Variants in GRM7 observed in about 807,000 individuals in gnomAD.
The protein encoded by GRM7 is metabotropic glutamate receptor 7.
Under a neutral mutation model 84.5 loss-of-function variants are expected in GRM7, and 35 were observed. That is an observed-to-expected ratio of 0.41 (90% CI 0.32 to 0.55). The LOEUF is 0.55. GRM7 is among the 20% of genes least tolerant of loss of function. The pLI, the probability that GRM7 is intolerant of heterozygous loss-of-function variation, is 0.19. For synonymous variants in GRM7, 487 were observed against 455.1 expected (o/e 1.07, Z -0.89); for missense variants, 1,003 against 1,194.6 (o/e 0.84, Z 2.36).
intron 1 of GRM7, among the ~76,000 whole-genome samples, chr3:6,945,006 T>C (rs1698012588): frequency 6.6e-6 from 1 of 152,144 alleles, no homozygotes; most frequent in Non-Finnish European, 1.5e-5. Flanking sequence ...CTGATACTGG[T>C]AATTTGTGAC....
chr3:7,026,919 C>T lies in GRM7; in HGVS notation c.520-119533C>T, dbSNP rs1327598652. 2.0e-5 allele frequency among the ~76,000 whole-genome samples: 3 copies of T among 152,232 alleles called. No homozygotes were observed. The East Asian group carries it at 5.8e-4, about 29-fold the overall frequency. On this transcript the variant is annotated intron_variant, in intron 1 of 9. Coordinates refer to ENST00000357716, the MANE Select transcript of GRM7 (RefSeq NM_000844.4). Reference sequence around the variant, plus strand: ...AGCTTGATTTACTTCTGTTCCATTACCAAATTTCTGGCGCTGGCCAATCAA... The same window carrying T: ...AGCTTGATTTACTTCTGTTCCATTATCAAATTTCTGGCGCTGGCCAATCAA...
intron 8 of GRM7, among the ~76,000 whole-genome samples, chr3:7,658,560 A>AGTCAATTTTTAGAGAGATAGCTGATG (rs1559469859): frequency 6.6e-6 from 1 of 152,246 alleles, no homozygotes; most frequent in Non-Finnish European, 1.5e-5. Context: ...ACTGACTCAC[A>AGTCAATTTTTAGAGAGATAGCTGATG]GTCAATTTTT....
At chr3:7,359,246 G>C in intron 4 of GRM7, among the ~76,000 whole-genome samples, 1 of 144,746 alleles carries the variant, frequency 6.9e-6, no homozygotes, top group East Asian at 1.9e-4. Context: ...GTGTGTGTGT[G>C]TGTGTGTGTT....
intron 2 of GRM7, among the ~76,000 whole-genome samples, chr3:7,164,720 A>C (rs1399804133): frequency 6.6e-6 from 1 of 152,264 alleles, no homozygotes; most frequent in African/African-American, 2.4e-5. Context: ...AGAGTGAAAT[A>C]GCTGAAAAGA....
At chr3:6,884,004 A>C (rs377626998) in intron 1 of GRM7, among the ~76,000 whole-genome samples, 54 of 152,316 alleles carry the variant, frequency 3.5e-4, no homozygotes, top group African/African-American at 1.2e-3. Flanking sequence ...CAAAAATGCC[A>C]ATATAAGTTA....
intron 5 of GRM7, among the ~76,000 whole-genome samples, chr3:7,450,967 A>C (rs979531314): frequency 6.6e-6 from 1 of 152,062 alleles, no homozygotes; most frequent in African/African-American, 2.4e-5. Flanking sequence ...AAGCAACCTA[A>C]AACATTTTAG....
In GRM7 at chr3:7,374,569, C is replaced by T. The variant is rs543405367; in HGVS notation, c.1034-40454C>T. Among the ~76,000 whole-genome samples, 106 of 151,912 alleles carry T rather than the reference C, an allele frequency of 7.0e-4. 1 individual carries two copies. The highest frequency in any genetic ancestry group is 2.2e-3 in the African/African-American group (93 of 41,442). On this transcript the variant is annotated intron_variant, in intron 4 of 9. Transcript: ENST00000357716. ...TCTCGGCTCACTGCAACCTCTGCCT[C>T]CAGGGTTCAAGCGATTCTTCTGCCT...
At chr3:7,577,647 G>T (rs1000403205) in intron 7 of GRM7, among the ~76,000 whole-genome samples, 2 of 152,156 alleles carry the variant, frequency 1.3e-5, no homozygotes, top group Non-Finnish European at 2.9e-5. Context: ...TTTCAATTAA[G>T]CAAATACATT....
chr3:7,075,941 T>C (rs1008591594), intron 1 of GRM7, among the ~76,000 whole-genome samples: 1 of 152,192 alleles, frequency 6.6e-6, no homozygotes, highest in African/African-American at 2.4e-5. Context: ...TTTTAATTTT[T>C]TTTTTTACTA....
intron 1 of GRM7, among the ~76,000 whole-genome samples, chr3:7,054,731 C>CT (rs1236416536): frequency 1.3e-5 from 2 of 151,894 alleles, no homozygotes; most frequent in African/African-American, 4.8e-5. Flanking sequence ...CTCTCTCTCT[C>CT]TTTCTGTCTG....
chr3:7,648,392 A>G (rs528056700), intron 8 of GRM7, among the ~76,000 whole-genome samples: 28 of 152,188 alleles, frequency 1.8e-4, no homozygotes, highest in South Asian at 6.2e-4. Flanking sequence ...CACATCTGTA[A>G]TCCTAGCACT....
intron 7 of GRM7, among the ~76,000 whole-genome samples, chr3:7,576,845 AG>A (rs150524465): frequency 0.23 from 34,504 of 152,160 alleles, 4,782 homozygotes; most frequent in Non-Finnish European, 0.29. Context: ...CTTGGTCGCA[AG>A]TATTAACAAT....
chr3:6,898,858 G>C (rs761929782), intron 1 of GRM7, among the ~76,000 whole-genome samples: 2 of 151,890 alleles, frequency 1.3e-5, no homozygotes, highest in Admixed American at 1.3e-4. Context: ...AAAGAAAAGA[G>C]CACTGGAGCA....
At chr3:7,427,233 TC>T (rs1386285230) in intron 5 of GRM7, among the ~76,000 whole-genome samples, 1 of 152,238 alleles carries the variant, frequency 6.6e-6, no homozygotes, top group Non-Finnish European at 1.5e-5. Flanking sequence ...AGCCATTTGT[TC>T]TTTAAAATGA....
chr3:7,087,622 A>G (rs769292153), intron 1 of GRM7, among the ~76,000 whole-genome samples: 42 of 152,174 alleles, frequency 2.8e-4, no homozygotes, highest in African/African-American at 9.2e-4. Context: ...TTATAAGTCA[A>G]TACTCTGTGT....
At chr3:7,099,754 C>CATACATGTATATGTACACGCATT in intron 1 of GRM7, among the ~76,000 whole-genome samples, 1 of 78,786 alleles carries the variant, frequency 1.3e-5, no homozygotes, top group South Asian at 3.8e-4. Context: ...TACATGTGCA[C>CATACATGTATATGTACACGCATT]ATACATGTAT....
chr3:6,912,892 A>T (rs997951428), intron 1 of GRM7, among the ~76,000 whole-genome samples: 1 of 152,208 alleles, frequency 6.6e-6, no homozygotes, highest in African/African-American at 2.4e-5. Flanking sequence ...GTGTTTCATA[A>T]ATTCAAGCTA....
intron 1 of GRM7, among the ~76,000 whole-genome samples, chr3:7,050,153 C>A (rs1324756432): frequency 1.3e-5 from 2 of 151,848 alleles, no homozygotes; most frequent in East Asian, 1.9e-4. Context: ...GTACAAATTA[C>A]AAATTTGTAC....
intron 4 of GRM7, among the ~76,000 whole-genome samples, chr3:7,323,794 A>T (rs1349372723): frequency 1.3e-5 from 2 of 152,222 alleles, no homozygotes; most frequent in African/African-American, 4.8e-5. Context: ...ACAGTAGTGA[A>T]CTTCTAGTGG....
Sources: allele counts gnomAD v4.1 joint callset (sites outside exome capture counted in the v4.1 genomes callset), GRCh38; gene constraint gnomAD v4.1.1; transcripts MANE v1.5; gene names NCBI Gene and HGNC (gene_info 2026-07-23, HGNC 2026-07-21).